The following ZPBP variants were observed in gnomAD, a reference collection of about 807,000 sequenced individuals.
ZPBP encodes zona pellucida binding protein, also known as zona pellucida-binding protein 1.
ZPBP carries 26 observed loss-of-function variants against 44.8 expected under a neutral mutation model. That is an observed-to-expected ratio of 0.58 (90% CI 0.43 to 0.81). The LOEUF is 0.81. Among genes scored for constraint, ZPBP ranks in the 30% least tolerant of loss-of-function variants. ZPBP has a pLI of 0.00. For synonymous variants in ZPBP, 174 were observed against 153.2 expected, an observed-to-expected ratio of 1.14 and a Z score of -1.00; for missense variants, 409 against 434.0, an observed-to-expected ratio of 0.94 and a Z score of 0.51.
intron 2 of ZPBP, among the ~76,000 whole-genome samples, chr7:49,867,629 C>T (rs1047303948): frequency 1.3e-5 from 2 of 152,148 alleles, no homozygotes; most frequent in Non-Finnish European, 2.9e-5. Context: ...CTGAGGCATT[C>T]ACCCTCCTGA....
intron 1 of ZPBP, chr7:49,915,591 T>C (rs1159686259): frequency 6.6e-6 from 1 of 152,186 alleles, no homozygotes; most frequent in Non-Finnish European, 1.5e-5. Flanking sequence ...AATGTATACA[T>C]TATCTGAAAC....
At chr7:50,074,499 C>T (rs1457624540) in intron 3 of ZPBP, among the ~76,000 whole-genome samples, 1 of 151,634 alleles carries the variant, frequency 6.6e-6, no homozygotes, top group Non-Finnish European at 1.5e-5. Flanking sequence ...AAAACAAGAC[C>T]CTCTGATCTA....
chr7:49,982,587 T>C (rs2128781439), intron 7 of ZPBP, among the ~76,000 whole-genome samples: 1 of 151,280 alleles, frequency 6.6e-6, no homozygotes, highest in South Asian at 2.1e-4. Context: ...GAATGCTCAA[T>C]CTCAAACTTC....
At chr7:49,859,790 G>GCA (rs57768700) in intron 2 of ZPBP, among the ~76,000 whole-genome samples, 2,745 of 11,984 alleles carry the variant, frequency 0.23, 37 homozygotes, top group Middle Eastern at 0.35. Context: ...GCGCGTGCGT[G>GCA]CACACACACA....
chr7:49,988,312 C>T (rs1583990290), intron 6 of ZPBP, among the ~76,000 whole-genome samples: 1 of 152,022 alleles, frequency 6.6e-6, no homozygotes, highest in Non-Finnish European at 1.5e-5. Context: ...CAAATCAAAC[C>T]TCAGTTTCAA....
intron 6 of ZPBP, among the ~76,000 whole-genome samples, chr7:49,993,321 A>G (rs1797647774): frequency 6.6e-6 from 1 of 152,122 alleles, no homozygotes; most frequent in Admixed American, 6.5e-5. Flanking sequence ...TTTTTAAAAG[A>G]CACAATCTAA....
chr7:50,056,128 T>C (rs1337127037), intron 4 of ZPBP: 1 of 152,210 alleles, frequency 6.6e-6, no homozygotes, highest in South Asian at 2.1e-4. Context: ...AGTTATCTTA[T>C]TGACACTGTA....
chr7:49,954,928 C>T (rs1795512466), intron 7 of ZPBP, among the ~76,000 whole-genome samples: 2 of 152,162 alleles, frequency 1.3e-5, no homozygotes, highest in Admixed American at 1.3e-4. Flanking sequence ...TGCCAGATTT[C>T]TGGCCAGAAA....
intron 1 of ZPBP, chr7:49,911,928 C>CACACACACACAT (rs1191000320): frequency 1.3e-6 from 1 of 764,584 alleles, no homozygotes; most frequent in African/African-American, 1.8e-5. Context: ...TACACGCACA[C>CACACACACACAT]ACACACACAC....
intron 6 of ZPBP, among the ~76,000 whole-genome samples, chr7:49,999,903 C>G (rs1015303823): frequency 1.3e-5 from 2 of 152,120 alleles, no homozygotes; most frequent in African/African-American, 2.4e-5. Flanking sequence ...ATAAAAACCA[C>G]AGGATAATAA....
At chr7:49,968,157 A>C (rs1008922147) in intron 7 of ZPBP, among the ~76,000 whole-genome samples, 9 of 152,118 alleles carry the variant, frequency 5.9e-5, no homozygotes, top group Non-Finnish European at 1.2e-4. Context: ...TATAATTCTT[A>C]AGTAAAAGAA....
At chr7:49,862,795 AC>A (rs1790711067) in intron 2 of ZPBP, among the ~76,000 whole-genome samples, 1 of 151,408 alleles carries the variant, frequency 6.6e-6, no homozygotes, top group Admixed American at 6.6e-5. Flanking sequence ...AGGTTGAATC[AC>A]CCTTACATTC....
chr7:49,922,040 T>C (rs979069563), intron 1 of ZPBP: 4 of 152,204 alleles, frequency 2.6e-5, no homozygotes, highest in Non-Finnish European at 5.9e-5. Flanking sequence ...AAATAAAATG[T>C]ATATACGTCA....
intron 2 of ZPBP, among the ~76,000 whole-genome samples, chr7:49,857,256 C>T (rs184122925): frequency 6.8e-4 from 104 of 152,222 alleles, no homozygotes; most frequent in African/African-American, 1.9e-3. Context: ...GCTCCTCTAG[C>T]GACTTTATAT....
At chr7:49,921,328 T>C (rs1343955779) in intron 1 of ZPBP, 3 of 152,214 alleles carry the variant, frequency 2.0e-5, no homozygotes, top group Non-Finnish European at 4.4e-5. Context: ...CCTTACTCCA[T>C]AGCTATAGAG....
intron 2 of ZPBP, among the ~76,000 whole-genome samples, chr7:49,854,915 G>A (rs1365140513): frequency 1.3e-5 from 2 of 152,144 alleles, no homozygotes; most frequent in African/African-American, 4.8e-5. Flanking sequence ...TAAGTAACTT[G>A]CCCAATGCCA....
chr7:49,880,014 G>A (rs1791600423), intron 2 of ZPBP, among the ~76,000 whole-genome samples: 1 of 152,102 alleles, frequency 6.6e-6, no homozygotes, highest in Non-Finnish European at 1.5e-5. Flanking sequence ...AAATAGTAAT[G>A]ACCAGAGGGA....
intron 1 of ZPBP, among the ~76,000 whole-genome samples, chr7:49,908,169 A>G (rs1275020638): frequency 6.6e-6 from 1 of 152,212 alleles, no homozygotes; most frequent in Non-Finnish European, 1.5e-5. Flanking sequence ...TATTGCTACA[A>G]AAAGTCTGTT....
chr7:50,020,472 G>A (rs1360216797), intron 5 of ZPBP, among the ~76,000 whole-genome samples: 2 of 151,926 alleles, frequency 1.3e-5, no homozygotes, highest in Admixed American at 6.6e-5. Context: ...AGTATTAATG[G>A]TGTCAACAGG....
Sources: allele counts gnomAD v4.1 joint callset (sites outside exome capture counted in the v4.1 genomes callset), GRCh38; gene constraint gnomAD v4.1.1; transcripts MANE v1.5; gene names NCBI Gene and HGNC (gene_info 2026-07-23, HGNC 2026-07-21).